GRIA4: variants seen among roughly 807,000 people sequenced by gnomAD.
GRIA4 encodes glutamate receptor 4.
A neutral mutation model predicts 104.0 loss-of-function variants in GRIA4; 34 were observed. The ratio of observed to expected loss-of-function variants is 0.33; its 90% confidence interval spans 0.25 to 0.44. The LOEUF (loss-of-function observed/expected upper bound fraction) is 0.44. GRIA4 is among the 20% of genes least tolerant of loss of function. The probability of loss-of-function intolerance (pLI) is 1.00; values close to 1 mark genes in which losing one functional copy is unlikely to be tolerated. For synonymous variants in GRIA4, 386 were observed against 381.9 expected (o/e 1.01, Z -0.13); for missense variants, 750 against 1,096.5 (o/e 0.68, Z 4.46).
At chr11:105,720,847 T>C (rs2135575560) in intron 3 of GRIA4, among the ~76,000 whole-genome samples, 1 of 152,216 alleles carries the variant, frequency 6.6e-6, no homozygotes, top group South Asian at 2.1e-4. Flanking sequence ...CGGAATAGTG[T>C]CCCCCAGTCC....
chr11:105,799,959 A>C (rs1047858787), intron 4 of GRIA4, among the ~76,000 whole-genome samples: 2 of 152,150 alleles, frequency 1.3e-5, no homozygotes, highest in Non-Finnish European at 2.9e-5. Flanking sequence ...CTGGATTGGA[A>C]TTTTGCCAAA....
At chr11:105,932,250 T>C (rs1947898691) in intron 13 of GRIA4, among the ~76,000 whole-genome samples, 1 of 152,114 alleles carries the variant, frequency 6.6e-6, no homozygotes, top group African/African-American at 2.4e-5. Flanking sequence ...GCAATTCTCA[T>C]GCCTCAGCCC....
chr11:105,910,619 A>G, intron 10 of GRIA4, 74 bp downstream of exon 10: 1 of 776,356 alleles, frequency 1.3e-6, no homozygotes, highest in Non-Finnish European at 2.3e-6. Context: ...GACGGTGAAC[A>G]GGGAGGGCAA....
At chr11:105,664,489 T>A (rs1952107836) in intron 3 of GRIA4, among the ~76,000 whole-genome samples, 1 of 151,730 alleles carries the variant, frequency 6.6e-6, no homozygotes, top group African/African-American at 2.4e-5. Context: ...GAAAATGACA[T>A]AATTTCATGT....
In GRIA4 at chr11:105,980,460, T is replaced by C. The variant is rs1251828294; in HGVS notation, c.*721T>C. The C allele has an allele frequency of 1.3e-5, 2 of 152,644 alleles. No homozygotes were observed. Among genetic ancestry groups the C allele is most frequent in the Non-Finnish European group, 2.9e-5 (2 of 68,038 alleles). The allele number at this position is 152,644 out of a possible 1,614,324, so 9.5% of individuals were successfully genotyped here. Reference sequence around the variant, plus strand: ...TAGAGACTTTTTTTTATAAAAGTTGTTGGTCATCTTCTTGTTTGCTGTAAC... The same window carrying C: ...TAGAGACTTTTTTTTATAAAAGTTGCTGGTCATCTTCTTGTTTGCTGTAAC... On this transcript the variant is annotated 3_prime_UTR_variant, in exon 17 of 17. Coordinates refer to ENST00000282499, the MANE Select transcript of GRIA4 (RefSeq NM_000829.4).
At chr11:105,878,791 G>A (rs1298420644) in intron 5 of GRIA4, among the ~76,000 whole-genome samples, 1 of 152,214 alleles carries the variant, frequency 6.6e-6, no homozygotes, top group Non-Finnish European at 1.5e-5. Context: ...TGCTGGCAGC[G>A]AGAATTTCAA....
At chr11:105,616,206 G>A (rs1215369993) in intron 3 of GRIA4, among the ~76,000 whole-genome samples, 2 of 151,338 alleles carry the variant, frequency 1.3e-5, no homozygotes, top group Non-Finnish European at 3.0e-5. Flanking sequence ...TTTTTATCTT[G>A]TTCTCTTTTT....
chr11:105,696,151 T>C (rs912682013), intron 3 of GRIA4, among the ~76,000 whole-genome samples: 15 of 152,276 alleles, frequency 9.9e-5, no homozygotes, highest in African/African-American at 3.1e-4. Context: ...TCATCTTCCT[T>C]GGGTTCAGTA....
chr11:105,653,113 G>A (rs1591506655), intron 3 of GRIA4, among the ~76,000 whole-genome samples: 3 of 151,990 alleles, frequency 2.0e-5, no homozygotes, highest in Admixed American at 1.3e-4. Context: ...GGGTTTCACC[G>A]TGCTAGCCAG....
intron 3 of GRIA4, among the ~76,000 whole-genome samples, chr11:105,644,166 G>A (rs776786639): frequency 1.3e-5 from 2 of 152,208 alleles, no homozygotes; most frequent in Admixed American, 6.5e-5. Flanking sequence ...GAAAAAAAAT[G>A]TGTGGTGGGA....
chr11:105,829,503 A>G (rs1234008805), intron 4 of GRIA4, among the ~76,000 whole-genome samples: 1 of 152,000 alleles, frequency 6.6e-6, no homozygotes, highest in African/African-American at 2.4e-5. Context: ...TTCCAGGAAC[A>G]GCCATCGCAA....
intron 5 of GRIA4, among the ~76,000 whole-genome samples, chr11:105,865,743 T>G (rs1276607217): frequency 6.6e-6 from 1 of 152,196 alleles, no homozygotes; most frequent in Non-Finnish European, 1.5e-5. Flanking sequence ...ACGTTATCAA[T>G]TGAACATTGA....
At chr11:105,824,173 A>C (rs550269610) in intron 4 of GRIA4, among the ~76,000 whole-genome samples, 2 of 152,240 alleles carry the variant, frequency 1.3e-5, no homozygotes, top group African/African-American at 4.8e-5. Context: ...CAGCCTTAGC[A>C]GACCAATACA....
intron 14 of GRIA4, among the ~76,000 whole-genome samples, chr11:105,956,416 T>C (rs1487495539): frequency 6.6e-6 from 1 of 152,196 alleles, no homozygotes; most frequent in Admixed American, 6.5e-5. Flanking sequence ...GCTTCATCCA[T>C]GTCCCTGAAA....
At chr11:105,958,962 T>A (rs910849777) in intron 14 of GRIA4, among the ~76,000 whole-genome samples, 2 of 151,982 alleles carry the variant, frequency 1.3e-5, no homozygotes, top group Non-Finnish European at 2.9e-5. Context: ...GCTTGTAGAG[T>A]TTTTGCTGAG....
intron 14 of GRIA4, among the ~76,000 whole-genome samples, chr11:105,953,337 G>T (rs17104770): frequency 6.6e-6 from 1 of 151,860 alleles, no homozygotes; most frequent in Non-Finnish European, 1.5e-5. Flanking sequence ...CAGAGTTCTG[G>T]GGTTGTTGTA....
At chr11:105,838,704 C>A (rs556330264) in intron 4 of GRIA4, among the ~76,000 whole-genome samples, 1 of 152,268 alleles carries the variant, frequency 6.6e-6, no homozygotes, top group South Asian at 2.1e-4. Context: ...CAATTTACTA[C>A]CAACAAAATT....
chr11:105,752,601 GT>G (rs1050315464), intron 3 of GRIA4, among the ~76,000 whole-genome samples: 4 of 152,044 alleles, frequency 2.6e-5, no homozygotes, highest in Admixed American at 2.0e-4. Flanking sequence ...ATAATTGTAT[GT>G]TTGCATGTAG....
At chr11:105,808,529 T>C (rs780992810) in intron 4 of GRIA4, among the ~76,000 whole-genome samples, 8 of 152,206 alleles carry the variant, frequency 5.3e-5, no homozygotes, top group Non-Finnish European at 7.4e-5. Flanking sequence ...ATAAAGAAGT[T>C]GAGGAATGTC....
Sources: allele counts gnomAD v4.1 joint callset (sites outside exome capture counted in the v4.1 genomes callset), GRCh38; gene constraint gnomAD v4.1.1; transcripts MANE v1.5; gene names NCBI Gene and HGNC (gene_info 2026-07-23, HGNC 2026-07-21).